SEC61A2: variants seen among roughly 807,000 people sequenced by gnomAD.
SEC61A2 encodes the protein SEC61 translocon subunit alpha 2.
Under a neutral mutation model 59.9 loss-of-function variants are expected in SEC61A2, and 28 were observed. The ratio of observed to expected loss-of-function variants is 0.47; its 90% CI spans 0.35 to 0.64. The LOEUF (loss-of-function observed/expected upper bound fraction) is 0.64, where lower values mean the gene tolerates loss of function less well. SEC61A2 is among the 30% of genes least tolerant of loss of function. SEC61A2 has a pLI of 0.01. For synonymous variants in SEC61A2, 202 were observed against 214.4 expected (o/e 0.94, Z 0.50); for missense variants, 340 against 585.9 (o/e 0.58, Z 4.33).
rs573388655 is a variant in SEC61A2, at chr10:12,161,204, G to C, written c.1167+83G>C. 7.4e-6 allele frequency: 8 copies of C among 1,088,268 alleles called. No homozygotes were observed. The African/African-American group carries it at 1.1e-4, about 15-fold the overall frequency. 67.4% of individuals were successfully genotyped at this position (1,088,268 alleles called of 1,614,324 possible). A position where few individuals can be genotyped will look rare whatever the true frequency, so the allele number is the denominator to read the frequency against. On this transcript the variant is annotated intron_variant, in intron 10 of 11. Transcript: ENST00000298428. This position sits in a 1 kb window ranked among gnomAD's most constrained non-coding sequence, Gnocchi z 5.4. ...TGTAATCGTAGCACTTTGGCAGGCT[G>C]AGGCCGCTGGATCGCTTCACCTCAG...
chr10:12,165,269 A>G lies in SEC61A2; in HGVS notation c.*815A>G. The G allele has an allele frequency of 1.0e-6, 1 of 985,464 alleles. No individual in the cohort carries two copies. The highest frequency in any genetic ancestry group is 1.7e-5 in the African/African-American group (1 of 57,370). 61.0% of individuals were successfully genotyped at this position (985,464 alleles called of 1,614,324 possible). Reference sequence around the variant, plus strand: ...GTCTGTAGTTCAGTGGGGGTGAACAATGAATATATTCATGCTAGGAATTTG... The same window carrying G: ...GTCTGTAGTTCAGTGGGGGTGAACAGTGAATATATTCATGCTAGGAATTTG... On this transcript the variant is annotated 3_prime_UTR_variant, in exon 12 of 12. Transcript: ENST00000298428.
At chr10:12,144,993 G>A (rs1834105641) in intron 4 of SEC61A2, among the ~76,000 whole-genome samples, 1 of 151,938 alleles carries the variant, frequency 6.6e-6, no homozygotes, top group Non-Finnish European at 1.5e-5. Context: ...AGATTGCAGT[G>A]AGCCGAGATC....
chr10:12,165,913 T>C (rs1834672130), downstream of SEC61A2: 1 of 151,132 alleles, frequency 6.6e-6, no homozygotes, highest in African/African-American at 2.4e-5. Context: ...TGACGTCCGA[T>C]TTTTTTTTCC....
Position 12,164,486 on chromosome 10 carries a change from A to C in SEC61A2, c.*32A>C. 1 of 1,602,390 alleles carries C rather than the reference A, an allele frequency of 6.2e-7. No individual in the cohort carries two copies. Among genetic ancestry groups the C allele is most frequent in the Non-Finnish European group, 8.5e-7 (1 of 1,173,514 alleles). On this transcript the variant is annotated 3_prime_UTR_variant, in exon 12 of 12. Transcript: ENST00000298428. The surrounding 1 kb of genome is among the most constrained non-coding windows in gnomAD (Gnocchi z 7.3). ...AAATATTTCATTTTGTGCGTGTGAA[A>C]GGGAAAACACTTTGACGGATCGTTT...
In SEC61A2 at chr10:12,162,348, T is replaced by C. The variant is rs914290798; in HGVS notation, c.1244+59T>C. 142 of 1,350,292 alleles carry C rather than the reference T, an allele frequency of 1.1e-4. No homozygotes were observed. Among genetic ancestry groups the C allele is most frequent in the Non-Finnish European group, 1.5e-4 (137 of 939,572 alleles). The allele number at this position is 1,350,292 out of a possible 1,614,324, so 83.6% of individuals were successfully genotyped here. ...GTGTTTGTGTTTCAGTCTTTCAGTG[T>C]TGGCTAAATGTTTTTCTTTGTTCAA... On this transcript the variant is annotated intron_variant, in intron 11 of 11. Coordinates refer to ENST00000298428, the MANE Select transcript of SEC61A2 (RefSeq NM_018144.4). This position sits in a 1 kb window ranked among gnomAD's most constrained non-coding sequence, Gnocchi z 6.1.
chr10:12,135,252 A>G (rs1030374203), intron 2 of SEC61A2, among the ~76,000 whole-genome samples: 8 of 152,158 alleles, frequency 5.3e-5, no homozygotes, highest in Admixed American at 4.6e-4. Flanking sequence ...CCACCATGGC[A>G]TATGTCTGCC....
intron 1 of SEC61A2, among the ~76,000 whole-genome samples, chr10:12,131,680 A>G (rs1171043881): frequency 1.5e-5 from 1 of 64,750 alleles, no homozygotes; most frequent in Non-Finnish European, 3.4e-5. Flanking sequence ...GAGATTACAT[A>G]CCTTTTTTTT....
intron 6 of SEC61A2, among the ~76,000 whole-genome samples, chr10:12,151,003 C>T (rs56366100): frequency 0.018 from 2,681 of 150,230 alleles, 94 homozygotes; most frequent in African/African-American, 0.064. Flanking sequence ...TGTTGAACTC[C>T]TGACCTCGTG....
chr10:12,143,140 A>G lies in SEC61A2; in HGVS notation c.165A>G (p.Ser55=), dbSNP rs1834060735. The change falls in exon 4 of 12, where the codon TCA becomes TCG. Residue 55 remains serine (S), a synonymous_variant. Transcript: ENST00000298428. The surrounding 1 kb of genome is among the most constrained non-coding windows in gnomAD (Gnocchi z 4.8). ...AGATCCCACTGTTTGGAATCATGTCATCAGATTCTGCAGATCCTTTCTACT... is the reference window on the plus strand; with the variant it reads ...AGATCCCACTGTTTGGAATCATGTCGTCAGATTCTGCAGATCCTTTCTACT... ...CCQIPLFGIM[S]SDSADPFYWM... 6 of 1,612,958 alleles carry G rather than the reference A, an allele frequency of 3.7e-6. No homozygotes were observed. In the African/African-American group the frequency reaches 5.3e-5, roughly 14 times the overall value.
rs1834079352 is a variant in SEC61A2 at position 12,143,815 on chromosome 10, T to G, written c.220+620T>G. On this transcript the variant is annotated intron_variant, in intron 4 of 11. Coordinates refer to ENST00000298428, the MANE Select transcript of SEC61A2 (RefSeq NM_018144.4). This position sits in a 1 kb window ranked among gnomAD's most constrained non-coding sequence, Gnocchi z 4.8. ...CTGAAGCCTCAAGCAGCATTGTTCA[T>G]CTGGGAAATTGTGGCTGAGGATGCT... Among the ~76,000 whole-genome samples, 1 of 152,188 alleles carries G rather than the reference T, an allele frequency of 6.6e-6. No individual in the cohort carries two copies. The highest frequency in any genetic ancestry group is 2.4e-5 in the African/African-American group (1 of 41,456).
At chr10:12,150,913 T>TA (rs1438238884) in intron 6 of SEC61A2, among the ~76,000 whole-genome samples, 3 of 152,116 alleles carry the variant, frequency 2.0e-5, no homozygotes, top group Non-Finnish European at 2.9e-5. Context: ...TAGCTGGGCT[T>TA]ACAGGTGCCT....
chr10:12,156,908 T>A lies in SEC61A2; in HGVS notation c.618T>A (p.Gly206=). Residue 206 remains glycine, a splice_region_variant and synonymous_variant, in exon 8 of 12, where the codon GGT becomes GGA. Coordinates refer to ENST00000298428, the MANE Select transcript of SEC61A2 (RefSeq NM_018144.4). This position sits in a 1 kb window ranked among gnomAD's most constrained non-coding sequence, Gnocchi z 5.2. ...GTCGTGTCTGTCTTGATTTTACAGG[T>A]ACTGAGTTTGAGGGTGCAGTCATAG... The part of the protein sequence containing the change: ...FSPTTINTGR[G]TEFEGAVIAL... The A allele has an allele frequency of 1.2e-6, 2 of 1,613,618 alleles. No homozygotes were observed. Among genetic ancestry groups the A allele is most frequent in the Middle Eastern group, 3.3e-4 (2 of 6,056 alleles).
At chr10:12,144,591 G>T (rs1221459203) in intron 4 of SEC61A2, among the ~76,000 whole-genome samples, 2 of 152,178 alleles carry the variant, frequency 1.3e-5, no homozygotes, top group Non-Finnish European at 2.9e-5. Context: ...GATATTTGCT[G>T]TTTGGGGAGG....
chr10:12,138,679 T>C (rs1378952357), intron 3 of SEC61A2, among the ~76,000 whole-genome samples: 1 of 152,250 alleles, frequency 6.6e-6, no homozygotes, highest in Non-Finnish European at 1.5e-5. Flanking sequence ...TTAATTCATA[T>C]GGTCGTTACG....
rs1834508576 is a variant in SEC61A2 at position 12,160,798 on chromosome 10, A to G, written c.976-132A>G. The G allele has an allele frequency of 2.9e-6, 2 of 679,750 alleles. No individual in the cohort carries two copies. Among genetic ancestry groups the G allele is most frequent in the African/African-American group, 3.6e-5 (2 of 55,288 alleles). 42.1% of individuals were successfully genotyped at this position (679,750 alleles called of 1,614,324 possible). ...AGTAGACACAAAAGTACATTCTGAAACTACATAGAATGACTAGCTGTAGAT... is the reference window on the plus strand; with the variant it reads ...AGTAGACACAAAAGTACATTCTGAAGCTACATAGAATGACTAGCTGTAGAT... On this transcript the variant is annotated intron_variant, in intron 9 of 11. Coordinates refer to ENST00000298428, the MANE Select transcript of SEC61A2 (RefSeq NM_018144.4). The surrounding 1 kb of genome is among the most constrained non-coding windows in gnomAD (Gnocchi z 4.1).
chr10:12,161,217 C>A lies in SEC61A2; in HGVS notation c.1167+96C>A. ...CTTTGGCAGGCTGAGGCCGCTGGATCGCTTCACCTCAGGAGTTTTGAGACC... is the reference window on the plus strand; with the variant it reads ...CTTTGGCAGGCTGAGGCCGCTGGATAGCTTCACCTCAGGAGTTTTGAGACC... On this transcript the variant is annotated intron_variant, in intron 10 of 11. Coordinates refer to ENST00000298428, the MANE Select transcript of SEC61A2 (RefSeq NM_018144.4). This position sits in a 1 kb window ranked among gnomAD's most constrained non-coding sequence, Gnocchi z 5.4. The A allele has an allele frequency of 1.1e-6, 1 of 938,832 alleles. No individual in the cohort carries two copies. Among genetic ancestry groups the A allele is most frequent in the Non-Finnish European group, 1.6e-6 (1 of 632,142 alleles). 58.2% of individuals were successfully genotyped at this position (938,832 alleles called of 1,614,324 possible). A position where few individuals can be genotyped will look rare whatever the true frequency, so the allele number is the denominator to read the frequency against.
At position 12,162,281 on chromosome 10, in the gene SEC61A2, G is replaced by A. The variant is rs1295820891; in HGVS notation, c.1236G>A (p.Glu412=). ...ACCGAGATACCTCTATGGTTCATGA[G>A]CTTAATAGGTAAGGCTGCTAGACTG... ...RGHRDTSMVH[E]LNRYIPTAAA... The change falls in exon 11 of 12, where the codon GAG becomes GAA. Residue 412 remains glutamate, a synonymous_variant. Transcript: ENST00000298428. This position sits in a 1 kb window ranked among gnomAD's most constrained non-coding sequence, Gnocchi z 6.1. 7 of 1,612,708 alleles carry A rather than the reference G, an allele frequency of 4.3e-6. No individual in the cohort carries two copies. In the African/African-American group the frequency reaches 6.7e-5, roughly 15 times the overall value.
intron 8 of SEC61A2, among the ~76,000 whole-genome samples, chr10:12,157,536 C>G (rs1834427568): frequency 1.5e-5 from 2 of 135,848 alleles, no homozygotes; most frequent in African/African-American, 5.5e-5. Flanking sequence ...TGGAGTCTTG[C>G]TCTGTCGCCA....
Position 12,162,301 on chromosome 10 carries a change from A to C in SEC61A2, c.1244+12A>C. On this transcript the variant is annotated intron_variant, in intron 11 of 11. Transcript: ENST00000298428. The surrounding 1 kb of genome is among the most constrained non-coding windows in gnomAD (Gnocchi z 6.1). ...CATGAGCTTAATAGGTAAGGCTGCT[A>C]GACTGACACCTTTATAGGCCTGTGT... 1 of 1,601,608 alleles carries C rather than the reference A, an allele frequency of 6.2e-7. No homozygotes were observed. The highest frequency in any genetic ancestry group is 1.3e-5 in the African/African-American group (1 of 74,744).
Sources: allele counts gnomAD v4.1 joint callset (sites outside exome capture counted in the v4.1 genomes callset), GRCh38; gene constraint gnomAD v4.1.1; non-coding constraint Gnocchi (gnomAD v3.1); transcripts MANE v1.5; gene names NCBI Gene and HGNC (gene_info 2026-07-23, HGNC 2026-07-21).